SLC25A23: variants seen among roughly 807,000 people sequenced by gnomAD.
SLC25A23 encodes mitochondrial adenyl nucleotide antiporter SLC25A23.
In SLC25A23, 32 loss-of-function variants were observed where a neutral mutation model predicts 53.9. The observed-to-expected ratio is 0.59, with a 90% CI of 0.45 to 0.80. The LOEUF is 0.80. Among genes scored for constraint, SLC25A23 ranks in the 30% least tolerant of loss-of-function variants. The pLI is 0.00. For synonymous variants in SLC25A23, 275 were observed against 264.5 expected, an observed-to-expected ratio of 1.04 and a Z score of -0.38; for missense variants, 575 against 651.4, an observed-to-expected ratio of 0.88 and a Z score of 1.28.
intron 8 of SLC25A23, among the ~76,000 whole-genome samples, chr19:6,445,405 G>A (rs909519034): frequency 3.9e-5 from 6 of 152,152 alleles, no homozygotes; most frequent in African/African-American, 2.4e-5. Context: ...CACCATGCCC[G>A]GCACAAGGGC....
rs749294742 is a variant in SLC25A23 at position 6,454,037 on chromosome 19, A to G, written c.847T>C (p.Phe283Leu). The G allele has an allele frequency of 9.3e-6, 15 of 1,613,500 alleles. No homozygotes were observed. In the Admixed American group the frequency reaches 2.2e-4, roughly 23 times the overall value. Residue 283 changes from phenylalanine (F) to leucine (L), a missense_variant, in exon 7 of 10, where the codon TTC (phenylalanine) becomes CTC (leucine). Physicochemically the swap from Phe to Leu is conservative, Grantham distance 22. Coordinates refer to ENST00000301454, the MANE Select transcript of SLC25A23 (RefSeq NM_024103.3). The surrounding 1 kb of genome is among the most constrained non-coding windows in gnomAD (Gnocchi z 4.3). ...GCACCAGCCAGGGAGCCAGCCACGA[A>G]GCGCTCCTGCACATGCAGTGTCTCC... ...QQETLHVQERFVAGSLAGATA... is the reference protein window; with the variant it reads ...QQETLHVQERLVAGSLAGATA...
chr19:6,447,421 A>G (rs1004738523), intron 8 of SLC25A23, among the ~76,000 whole-genome samples: 10 of 149,300 alleles, frequency 6.7e-5, no homozygotes, highest in African/African-American at 2.2e-4. Flanking sequence ...CCCTACTTCA[A>G]CCTCTGGAGT....
chr19:6,439,391 T>TCACACACA (rs2092380072), downstream of SLC25A23, among the ~76,000 whole-genome samples: 3 of 122,806 alleles, frequency 2.4e-5, no homozygotes, highest in African/African-American at 1.3e-4. Context: ...CCTATCTCTC[T>TCACACACA]CTCTCTCTCA....
intron 8 of SLC25A23, among the ~76,000 whole-genome samples, chr19:6,451,780 G>A (rs1439728971): frequency 6.6e-6 from 1 of 151,148 alleles, no homozygotes; most frequent in Non-Finnish European, 1.5e-5. Flanking sequence ...GGCTGGGTCT[G>A]ATACTTGCTT....
At chr19:6,449,103 C>T (rs2092549145) in intron 8 of SLC25A23, among the ~76,000 whole-genome samples, 1 of 151,946 alleles carries the variant, frequency 6.6e-6, no homozygotes, top group Admixed American at 6.6e-5. Flanking sequence ...AGTTAAATCA[C>T]TTTACTGAGA....
Position 6,441,716 on chromosome 19 carries a change from T to G in SLC25A23, c.*259A>C. On this transcript the variant is annotated 3_prime_UTR_variant, in exon 10 of 10. Transcript: ENST00000301454. Reference sequence around the variant, plus strand: ...GTTGCTGAAGTAAGGGATCCACAGTTATGGTTACAGGGGGATCTGGGATCT... The same window carrying G: ...GTTGCTGAAGTAAGGGATCCACAGTGATGGTTACAGGGGGATCTGGGATCT... 1 of 519,700 alleles carries G rather than the reference T, an allele frequency of 1.9e-6. No individual in the cohort carries two copies. Among genetic ancestry groups the G allele is most frequent in the Non-Finnish European group, 3.5e-6 (1 of 287,080 alleles). 32.2% of individuals were successfully genotyped at this position (519,700 alleles called of 1,614,324 possible).
chr19:6,442,935 T>C (rs1268426559), intron 9 of SLC25A23, among the ~76,000 whole-genome samples: 7 of 83,336 alleles, frequency 8.4e-5, no homozygotes, highest in African/African-American at 1.7e-4. Context: ...TGCCCAGCCC[T>C]TTTTTTTTTT....
downstream of SLC25A23, among the ~76,000 whole-genome samples, chr19:6,439,399 TCACACACACACACA>T (rs57370920): frequency 1.6e-5 from 2 of 123,988 alleles, no homozygotes; most frequent in African/African-American, 3.2e-5. Flanking sequence ...TCTCTCTCTC[TCACACACACACACA>T]CACACACACA....
downstream of SLC25A23, among the ~76,000 whole-genome samples, chr19:6,439,426 C>CACACACACACAG (rs774234682): frequency 8.9e-4 from 135 of 151,094 alleles, 1 homozygote; most frequent in African/African-American, 3.1e-3. Context: ...CACACACACA[C>CACACACACACAG]ACACACACAG....
chr19:6,438,822 C>A, downstream of SLC25A23: 2 of 246,474 alleles, frequency 8.1e-6, no homozygotes, highest in Admixed American at 4.7e-5. Flanking sequence ...GTACTCCAGC[C>A]TGGGAAACAA....
rs143828533 is a variant in SLC25A23 at position 6,454,390 on chromosome 19, C to T, written c.728G>A (p.Arg243His). The T allele has an allele frequency of 8.7e-5, 140 of 1,614,058 alleles. No homozygotes were observed. Among genetic ancestry groups the T allele is most frequent in the South Asian group, 2.4e-4 (22 of 91,092 alleles). ...VLEGGIRSLW[R>H]GNGINVLKIA... Reference sequence around the variant, plus strand: ...CTTGAGTACATTAATACCATTGCCGCGCCACAGGGAGCGGATGCCTCCCTC... The same window carrying T: ...CTTGAGTACATTAATACCATTGCCGTGCCACAGGGAGCGGATGCCTCCCTC... Residue 243 changes from arginine (R) to histidine (H), a missense_variant, in exon 6 of 10, where the codon CGC becomes CAC. Arg to His is a conservative substitution (Grantham distance 29, BLOSUM62 0). Coordinates refer to ENST00000301454, the MANE Select transcript of SLC25A23 (RefSeq NM_024103.3). The surrounding 1 kb of genome is among the most constrained non-coding windows in gnomAD (Gnocchi z 4.3).
Position 6,443,526 on chromosome 19 carries a change from C to A in SLC25A23, c.1222+625G>T, listed in dbSNP as rs1311936636. 5 of 695,254 alleles carry A rather than the reference C, an allele frequency of 7.2e-6. No individual in the cohort carries two copies. In the East Asian group the frequency reaches 1.3e-4, roughly 19 times the overall value. 43.1% of individuals were successfully genotyped at this position (695,254 alleles called of 1,614,324 possible). ...TACAGATGTGAGCCACTGTGCCCGGCCTCCTTCTCCCCTTTATACAACCCT... is the reference window on the plus strand; with the variant it reads ...TACAGATGTGAGCCACTGTGCCCGGACTCCTTCTCCCCTTTATACAACCCT... On this transcript the variant is annotated intron_variant, in intron 9 of 9. Coordinates refer to ENST00000301454, the MANE Select transcript of SLC25A23 (RefSeq NM_024103.3).
intron 7 of SLC25A23, among the ~76,000 whole-genome samples, chr19:6,452,763 G>T (rs996489836): frequency 6.6e-6 from 1 of 151,984 alleles, no homozygotes; most frequent in South Asian, 2.1e-4. Context: ...TACTTTGCCC[G>T]TGCTGGTCTC....
At chr19:6,450,762 T>C (rs1279816883) in intron 8 of SLC25A23, among the ~76,000 whole-genome samples, 1 of 152,020 alleles carries the variant, frequency 6.6e-6, no homozygotes, top group Non-Finnish European at 1.5e-5. Context: ...CAGTGCACAA[T>C]GTAAAAGGGT....
chr19:6,456,547 G>C lies in SLC25A23; in HGVS notation c.372-16C>G, dbSNP rs200758261. 108 of 1,609,688 alleles carry C rather than the reference G, an allele frequency of 6.7e-5. No individual in the cohort carries two copies. The highest frequency in any genetic ancestry group is 1.8e-4 in the Admixed American group (11 of 59,974). ...TCGGTCCATGCTGGGGGGAAGAAAGGGGGTGGAGGAGGACAGGTTCAGTGC... is the reference window on the plus strand; with the variant it reads ...TCGGTCCATGCTGGGGGGAAGAAAGCGGGTGGAGGAGGACAGGTTCAGTGC... On this transcript the variant is annotated splice_polypyrimidine_tract_variant and intron_variant, in intron 3 of 9. Coordinates refer to ENST00000301454, the MANE Select transcript of SLC25A23 (RefSeq NM_024103.3).
intron 8 of SLC25A23, among the ~76,000 whole-genome samples, chr19:6,446,759 G>C (rs959751051): frequency 6.6e-6 from 1 of 151,996 alleles, no homozygotes; most frequent in African/African-American, 2.4e-5. Context: ...TCCCTCCTTT[G>C]GGGGGGAACA....
chr19:6,452,661 C>T, intron 7 of SLC25A23, 182 bp from the exon 8 acceptor site: 1 of 640,268 alleles, frequency 1.6e-6, no homozygotes, highest in Non-Finnish European at 2.5e-6. Context: ...ATAGTTACAC[C>T]TACCAAAGTG....
In SLC25A23 at chr19:6,454,503, T is replaced by C. The variant is rs772379566; in HGVS notation, c.643-28A>G. 3.7e-6 allele frequency: 6 copies of C among 1,613,382 alleles called. No individual in the cohort carries two copies. The highest frequency in any genetic ancestry group is 5.1e-6 in the Non-Finnish European group (6 of 1,179,780). On this transcript the variant is annotated intron_variant, in intron 5 of 9. Coordinates refer to ENST00000301454, the MANE Select transcript of SLC25A23 (RefSeq NM_024103.3). The surrounding 1 kb of genome is among the most constrained non-coding windows in gnomAD (Gnocchi z 4.3). ...GAATGGGGAGACAACAGCTTGGAGG[T>C]CCCCTCCCAGGTGTCAGGCCTGGGG...
rs942868799 is a variant in SLC25A23, at chr19:6,440,186, C to T, written c.*1789G>A. On this transcript the variant is annotated 3_prime_UTR_variant, in exon 10 of 10. Transcript: ENST00000301454. ...CGTGCGGAAGTCCTCCAGCCCCTCC[C>T]CAAATCCCAGTTCCCCTTTCCAAGT... 2 of 152,420 alleles carry T rather than the reference C, an allele frequency of 1.3e-5. No homozygotes were observed. The highest frequency in any genetic ancestry group is 4.8e-5 in the African/African-American group (2 of 41,392). 9.4% of individuals were successfully genotyped at this position (152,420 alleles called of 1,614,324 possible).
Sources: allele counts gnomAD v4.1 joint callset (sites outside exome capture counted in the v4.1 genomes callset), GRCh38; gene constraint gnomAD v4.1.1; non-coding constraint Gnocchi (gnomAD v3.1); transcripts MANE v1.5; gene names NCBI Gene and HGNC (gene_info 2026-07-23, HGNC 2026-07-21).